ADCY10: variants seen among roughly 807,000 people sequenced by gnomAD.
The protein encoded by ADCY10 is adenylate cyclase 10.
A neutral mutation model predicts 183.3 loss-of-function variants in ADCY10; 156 were observed. That is an observed-to-expected ratio of 0.85 (90% CI 0.75 to 0.97). The LOEUF is 0.97. Ranked by LOEUF, ADCY10 falls within the 50% of genes least tolerant of loss-of-function variation. ADCY10 has a pLI of 0.00. For missense variants in ADCY10, 1,745 were observed against 1,934.3 expected, an observed-to-expected ratio of 0.90 and a Z score of 1.84; for synonymous variants, 645 against 670.0, an observed-to-expected ratio of 0.96 and a Z score of 0.58.
At chr1:167,827,739 G>A (rs1046884145) in intron 26 of ADCY10, among the ~76,000 whole-genome samples, 31 of 150,948 alleles carry the variant, frequency 2.1e-4, no homozygotes, top group Admixed American at 6.6e-5. Flanking sequence ...TTGAGTTGGA[G>A]TCTCGCTCTT....
chr1:167,885,862 C>T (rs1571403883), intron 8 of ADCY10, among the ~76,000 whole-genome samples: 1 of 152,172 alleles, frequency 6.6e-6, no homozygotes, highest in East Asian at 1.9e-4. Flanking sequence ...GACTTGCCCA[C>T]CTCGGCCTCC....
rs117021474 is a variant in ADCY10, at chr1:167,810,834, C to T, written c.4562G>A (p.Cys1521Tyr). ...TTTCTGCCCATCTCCCATTAATATA[C>T]AGACGTAAGCCATCAGGTGGTAGAG... is the stretch of plus-strand genomic sequence containing the variant. ...PRLYHLMAYV[C>Y]ILMGDGQKCG... Residue 1521 changes from cysteine (C) to tyrosine (Y), a missense_variant, in exon 32 of 33, where the codon TGT becomes TAT. Physicochemically the swap from Cys to Tyr is radical, Grantham distance 194. Coordinates refer to ENST00000367851, the MANE Select transcript of ADCY10 (RefSeq NM_018417.6). The T allele has an allele frequency of 5.2e-3, 8,372 of 1,614,158 alleles. 353 individuals are homozygous for T. In the Admixed American group the frequency reaches 0.086, roughly 17 times the overall value.
chr1:167,881,753 C>A (rs1244030211), intron 9 of ADCY10, among the ~76,000 whole-genome samples: 1 of 152,244 alleles, frequency 6.6e-6, no homozygotes, highest in African/African-American at 2.4e-5. Flanking sequence ...CAGAGAAGTT[C>A]AATGACTTGC....
At chr1:167,910,150 G>A (rs1269267172) in intron 1 of ADCY10, among the ~76,000 whole-genome samples, 1 of 152,208 alleles carries the variant, frequency 6.6e-6, no homozygotes, top group Non-Finnish European at 1.5e-5. Context: ...TAACCCGGGT[G>A]TCTAAGGGGT....
In ADCY10 at chr1:167,883,532, C is replaced by A. The variant is rs1264592818; in HGVS notation, c.925G>T (p.Glu309Ter). Residue 309 changes from glutamate to a stop codon, truncating the protein, a stop_gained, in exon 9 of 33, where the codon GAG becomes TAG. Coordinates refer to ENST00000367851, the MANE Select transcript of ADCY10 (RefSeq NM_018417.6). LOFTEE classifies it high-confidence loss of function. ...GCATCCTGGATGGCTGGGCCTATCT[C>A]TTCTGCTTTGTCTTGGTCTTCAAAC... ...LMFEDQDKAE[E>*]IGPAIQDAYM... 1.9e-6 allele frequency: 3 copies of A among 1,614,254 alleles called. No individual in the cohort carries two copies. Among genetic ancestry groups the A allele is most frequent in the Non-Finnish European group, 2.5e-6 (3 of 1,180,038 alleles).
chr1:167,815,017 C>T (rs544295254), intron 31 of ADCY10, among the ~76,000 whole-genome samples: 8 of 152,060 alleles, frequency 5.3e-5, no homozygotes, highest in South Asian at 2.1e-4. Context: ...CCCAGCTACT[C>T]GGGAGGCTGA....
chr1:167,852,864 A>G (rs1248650843), intron 18 of ADCY10, among the ~76,000 whole-genome samples: 5 of 152,188 alleles, frequency 3.3e-5, no homozygotes, highest in Admixed American at 2.6e-4. Flanking sequence ...TGGGGGCCAC[A>G]TGGTCCTGTA....
Position 167,878,445 on chromosome 1 carries a change from C to A in ADCY10, c.1406+1G>T. On this transcript the variant is annotated splice_donor_variant, in intron 12 of 32. Transcript: ENST00000367851. LOFTEE classifies it high-confidence loss of function. ...CTTCAAAATTAATGCTCCACACTCA[C>A]ACTTTCTCAGTACGGCCCCAATACT... 1.2e-6 allele frequency: 2 copies of A among 1,613,750 alleles called. No individual in the cohort carries two copies. The highest frequency in any genetic ancestry group is 1.7e-6 in the Non-Finnish European group (2 of 1,179,912).
intron 25 of ADCY10, 116 bp from the exon 26 acceptor site, chr1:167,829,539 A>C (rs1663564081): frequency 8.5e-7 from 1 of 1,171,512 alleles, no homozygotes; most frequent in Non-Finnish European, 1.3e-6. Context: ...ACTGACTTGA[A>C]TTTGAGGCCT....
chr1:167,813,968 A>G (rs936860426), intron 31 of ADCY10, among the ~76,000 whole-genome samples: 18 of 152,164 alleles, frequency 1.2e-4, no homozygotes, highest in African/African-American at 4.3e-4. Context: ...TAAGGAAAAT[A>G]GCTATAGAAT....
chr1:167,821,986 T>C (rs1662938945), intron 30 of ADCY10, 38 bp downstream of exon 30: 2 of 1,365,854 alleles, frequency 1.5e-6, no homozygotes, highest in East Asian at 4.6e-5. Context: ...TTCAACATTT[T>C]CACTTTGGGA....
At chr1:167,847,565 G>T (rs182566663) in intron 19 of ADCY10, among the ~76,000 whole-genome samples, 6 of 151,280 alleles carry the variant, frequency 4.0e-5, no homozygotes, top group African/African-American at 1.5e-4. Context: ...ACATGCATGC[G>T]CCACCATGCC....
chr1:167,844,925 C>T (rs1664892529), intron 21 of ADCY10, among the ~76,000 whole-genome samples: 1 of 152,172 alleles, frequency 6.6e-6, no homozygotes, highest in Non-Finnish European at 1.5e-5. Flanking sequence ...GGTGGTGTTG[C>T]TCTGTGTCTG....
chr1:167,881,126 A>G (rs938567581), intron 9 of ADCY10, among the ~76,000 whole-genome samples: 7 of 152,246 alleles, frequency 4.6e-5, no homozygotes, highest in East Asian at 1.9e-4. Flanking sequence ...TATATATTCA[A>G]AAAGTCATCC....
chr1:167,904,035 TCAAA>T (rs1179298622), intron 2 of ADCY10, 44 bp from the exon 3 acceptor site: 4 of 1,268,282 alleles, frequency 3.2e-6, no homozygotes, highest in Middle Eastern at 4.1e-4. Context: ...CTTGGGGGAA[TCAAA>T]CAGAGCCAGA....
intron 8 of ADCY10, among the ~76,000 whole-genome samples, chr1:167,890,689 G>A (rs2102332851): frequency 6.6e-6 from 1 of 152,274 alleles, no homozygotes; most frequent in Admixed American, 6.5e-5. Context: ...GATGCCATCT[G>A]GGAGTTTGGC....
intron 8 of ADCY10, among the ~76,000 whole-genome samples, chr1:167,891,588 G>A (rs1009510788): frequency 2.6e-5 from 4 of 151,180 alleles, no homozygotes; most frequent in South Asian, 2.1e-4. Flanking sequence ...CCCGGGAGGC[G>A]GAGCTTGCAG....
chr1:167,899,665 T>C, intron 5 of ADCY10, 37 bp from the exon 6 acceptor site: 2 of 1,597,846 alleles, frequency 1.3e-6, no homozygotes, highest in Non-Finnish European at 1.7e-6. Flanking sequence ...GCACAAGAAG[T>C]TCTGGATTAT....
At chr1:167,905,329 A>C in intron 1 of ADCY10, 131 bp from the exon 2 acceptor site, 1 of 728,282 alleles carries the variant, frequency 1.4e-6, no homozygotes, top group Non-Finnish European at 2.3e-6. Context: ...TTGTTGAGCC[A>C]CACTTCAAAA....
Sources: allele counts gnomAD v4.1 joint callset (sites outside exome capture counted in the v4.1 genomes callset), GRCh38; gene constraint gnomAD v4.1.1; transcripts MANE v1.5; gene names NCBI Gene and HGNC (gene_info 2026-07-23, HGNC 2026-07-21).